The following TENM2 variants were observed in gnomAD, a reference collection of about 807,000 sequenced individuals.
TENM2 encodes the protein teneurin transmembrane protein 2, also known as teneurin-2.
TENM2 carries 52 observed loss-of-function variants against 245.2 expected under a neutral mutation model. The ratio of observed to expected loss-of-function variants is 0.21; its 90% CI spans 0.17 to 0.27. TENM2 has a LOEUF of 0.27. Among genes scored for constraint, TENM2 ranks in the 10% least tolerant of loss-of-function variants. The probability of loss-of-function intolerance (pLI) is 1.00; values close to 1 mark genes in which losing one functional copy is unlikely to be tolerated. For missense variants in TENM2, 3,046 were observed against 3,666.8 expected (o/e 0.83, Z 4.37); for synonymous variants, 1,363 against 1,438.9 (o/e 0.95, Z 1.19).
At chr5:167,066,992 A>G in the TENM2 span, among the ~76,000 whole-genome samples, 113 of 152,304 alleles carry the variant, frequency 7.4e-4, no homozygotes, top group African/African-American at 2.6e-3. Flanking sequence ...TCAACTATCT[A>G]TGAATTAATT....
the TENM2 span, among the ~76,000 whole-genome samples, chr5:167,255,081 T>G: frequency 6.6e-6 from 1 of 151,600 alleles, no homozygotes; most frequent in Non-Finnish European, 1.5e-5. Context: ...TTCTTTTTTT[T>G]TTTTTTTGCT....
chr5:167,116,044 C>G, the TENM2 span, among the ~76,000 whole-genome samples: 1 of 152,176 alleles, frequency 6.6e-6, no homozygotes, highest in Non-Finnish European at 1.5e-5. Flanking sequence ...ATGGTAAGCT[C>G]TCTGAGAATG....
chr5:167,380,487 A>G (rs1370677832), intron 2 of TENM2, among the ~76,000 whole-genome samples: 1 of 152,194 alleles, frequency 6.6e-6, no homozygotes, highest in Non-Finnish European at 1.5e-5. Flanking sequence ...TTATTTCAGT[A>G]CTGCACTTTC....
chr5:167,656,925 A>T (rs10223130), intron 2 of TENM2, among the ~76,000 whole-genome samples: 7,332 of 149,108 alleles, frequency 0.049, 514 homozygotes, highest in African/African-American at 0.15. Flanking sequence ...TCACGTATCT[A>T]TCTTCTCAAA....
intron 2 of TENM2, among the ~76,000 whole-genome samples, chr5:167,452,961 A>ATATATAT (rs1561968262): frequency 3.6e-4 from 28 of 77,080 alleles, no homozygotes; most frequent in South Asian, 1.4e-3. Context: ...ATATATATAT[A>ATATATAT]TTTAAAAAAA....
chr5:167,755,011 G>A (rs1762206383), intron 2 of TENM2: 2 of 1,583,470 alleles, frequency 1.3e-6, no homozygotes, highest in Non-Finnish European at 1.7e-6. Flanking sequence ...TGTAGTTAGA[G>A]GGAAACACAA....
intron 5 of TENM2, among the ~76,000 whole-genome samples, chr5:168,023,772 A>G (rs1786368947): frequency 6.6e-6 from 1 of 152,296 alleles, no homozygotes; most frequent in African/African-American, 2.4e-5. Context: ...AAAGGGGGAC[A>G]TGACATCCCG....
At chr5:167,328,688 G>A (rs1028131326) in intron 1 of TENM2, among the ~76,000 whole-genome samples, 2 of 152,160 alleles carry the variant, frequency 1.3e-5, no homozygotes, top group African/African-American at 4.8e-5. Context: ...TAGCTGGAAT[G>A]CTCATTCCCT....
At position 167,697,966 on chromosome 5, in the gene TENM2, G is replaced by A. The variant is rs147856248; in HGVS notation, c.503-178020G>A. Among the ~76,000 whole-genome samples, 130 of 152,286 alleles carry A rather than the reference G, an allele frequency of 8.5e-4. 1 individual carries two copies. The highest frequency in any genetic ancestry group is 3.4e-3 in the Middle Eastern group (1 of 294). On this transcript the variant is annotated intron_variant, in intron 2 of 28. Coordinates refer to ENST00000518659, the Ensembl canonical transcript of TENM2. ...AACTTGAAATATAATCGCCTGACAA[G>A]GTATCCCTCTAAGTGATTAAATTTC...
chr5:167,425,024 T>C (rs1763729264), intron 2 of TENM2, among the ~76,000 whole-genome samples: 1 of 152,190 alleles, frequency 6.6e-6, no homozygotes, highest in Admixed American at 6.5e-5. Flanking sequence ...ATCATAAGGT[T>C]TTGCACAGTG....
At chr5:167,092,266 C>G in the TENM2 span, among the ~76,000 whole-genome samples, 3 of 152,006 alleles carry the variant, frequency 2.0e-5, no homozygotes, top group African/African-American at 4.8e-5. Context: ...GAAACACAGC[C>G]CACCCGTTGC....
chr5:167,185,961 A>T, the TENM2 span, among the ~76,000 whole-genome samples: 2 of 152,148 alleles, frequency 1.3e-5, no homozygotes, highest in Non-Finnish European at 2.9e-5. Context: ...ATATCTACAG[A>T]TTCCTTTGGT....
intron 8 of TENM2, among the ~76,000 whole-genome samples, chr5:168,093,280 G>A (rs1793094931): frequency 6.6e-6 from 1 of 152,186 alleles, no homozygotes; most frequent in African/African-American, 2.4e-5. Context: ...CTGGCCTGTT[G>A]GAGCTGGGAA....
At chr5:167,975,169 A>G (rs2617984) in intron 4 of TENM2, among the ~76,000 whole-genome samples, 46,003 of 152,160 alleles carry the variant, frequency 0.3, 8,055 homozygotes, top group East Asian at 0.72. Context: ...CTGTATCTGC[A>G]TCAATACTTC....
the TENM2 span, among the ~76,000 whole-genome samples, chr5:167,174,244 C>T: frequency 6.6e-6 from 1 of 152,092 alleles, no homozygotes; most frequent in South Asian, 2.1e-4. Context: ...TACATCTAAA[C>T]ACCCACAAAT....
the TENM2 span, among the ~76,000 whole-genome samples, chr5:167,027,641 T>C: frequency 6.6e-6 from 1 of 152,228 alleles, no homozygotes; most frequent in African/African-American, 2.4e-5. Context: ...ATCTTTTTCC[T>C]GATTATAATG....
intron 3 of TENM2, among the ~76,000 whole-genome samples, chr5:167,907,050 T>C (rs1002617945): frequency 1.3e-5 from 2 of 151,840 alleles, no homozygotes; most frequent in Non-Finnish European, 2.9e-5. Flanking sequence ...CTGACCAACA[T>C]GAAGAAACCC....
intron 2 of TENM2, among the ~76,000 whole-genome samples, chr5:167,618,939 A>T (rs903559420): frequency 6.6e-6 from 1 of 152,142 alleles, no homozygotes; most frequent in Non-Finnish European, 1.5e-5. Context: ...AGTGAAGAAG[A>T]CAGGTCTTTG....
intron 4 of TENM2, among the ~76,000 whole-genome samples, chr5:167,990,148 G>A (rs529549844): frequency 6.6e-5 from 10 of 152,198 alleles, no homozygotes; most frequent in East Asian, 1.9e-4. Flanking sequence ...AAATAAATTC[G>A]GAGGACTCCT....
Sources: gnomAD v4.1 joint callset for allele counts (sites outside exome capture counted in the v4.1 genomes callset) on GRCh38, gnomAD v4.1.1 for gene constraint, MANE v1.5 for transcripts, NCBI Gene and HGNC (gene_info 2026-07-23, HGNC 2026-07-21) for gene names.